The following PRKCE variants were observed in gnomAD, a reference collection of about 807,000 sequenced individuals.
PRKCE encodes protein kinase C epsilon type.
PRKCE carries 16 observed loss-of-function variants against 85.4 expected under a neutral mutation model. The observed-to-expected ratio is 0.19, with a 90% CI of 0.13 to 0.28. The LOEUF is 0.28. Among genes scored for constraint, PRKCE ranks in the 10% least tolerant of loss-of-function variants. The pLI, the probability that PRKCE is intolerant of heterozygous loss-of-function variation, is 1.00. For missense variants in PRKCE, 573 were observed against 975.2 expected, an observed-to-expected ratio of 0.59 and a Z score of 5.49; for synonymous variants, 388 against 371.5, an observed-to-expected ratio of 1.04 and a Z score of -0.51.
intron 1 of PRKCE, among the ~76,000 whole-genome samples, chr2:45,750,266 T>C (rs967032672): frequency 1.2e-4 from 19 of 152,346 alleles, no homozygotes; most frequent in African/African-American, 2.9e-4. Flanking sequence ...CCTGTACTCA[T>C]TGAGCAGTCA....
At chr2:45,996,811 G>T (rs1190128907) in intron 6 of PRKCE, among the ~76,000 whole-genome samples, 1 of 152,034 alleles carries the variant, frequency 6.6e-6, no homozygotes, top group Non-Finnish European at 1.5e-5. Flanking sequence ...TAATATCTTT[G>T]CTTTGATATT....
chr2:45,864,804 C>T (rs1055224819), intron 2 of PRKCE, among the ~76,000 whole-genome samples: 29 of 152,302 alleles, frequency 1.9e-4, no homozygotes, highest in Middle Eastern at 3.4e-3. Context: ...ATAATCATCT[C>T]TTGCTGCTTG....
intron 1 of PRKCE, among the ~76,000 whole-genome samples, chr2:45,765,377 T>C (rs1456154704): frequency 6.6e-6 from 1 of 152,168 alleles, no homozygotes; most frequent in African/African-American, 2.4e-5. Context: ...GGTTGTAAGG[T>C]GTGAACTGTA....
chr2:45,801,502 G>A (rs898023323), intron 1 of PRKCE, among the ~76,000 whole-genome samples: 6 of 97,436 alleles, frequency 6.2e-5, no homozygotes, highest in South Asian at 4.1e-4. Flanking sequence ...ATCAGTGAGT[G>A]CTGAGGGTGA....
chr2:45,835,082 A>G (rs1010291145), intron 1 of PRKCE, among the ~76,000 whole-genome samples: 1 of 152,216 alleles, frequency 6.6e-6, no homozygotes, highest in African/African-American at 2.4e-5. Flanking sequence ...GCACGCCTAC[A>G]CAGGTAGGTG....
rs1688856533 is a variant in PRKCE, at chr2:45,814,210, T to A, written c.349-28790T>A. Among the ~76,000 whole-genome samples the A allele has an allele frequency of 4.6e-5, 7 of 151,998 alleles. No homozygotes were observed. The South Asian group carries it at 1.2e-3, about 27-fold the overall frequency. ...GACTTTGGTGCCAGGTTGAGAAAAA[T>A]TTTGAAGCCAGAGCTATAGATTGGA... On this transcript the variant is annotated intron_variant, in intron 1 of 14. Coordinates refer to ENST00000306156, the MANE Select transcript of PRKCE (RefSeq NM_005400.3).
At chr2:45,889,002 C>G (rs1022468502) in intron 2 of PRKCE, among the ~76,000 whole-genome samples, 5 of 151,736 alleles carry the variant, frequency 3.3e-5, no homozygotes, top group Admixed American at 3.3e-4. Flanking sequence ...TGAGATACCC[C>G]CAAAGAGGTA....
rs145456016 is a variant in PRKCE, at chr2:45,817,989, A to T, written c.349-25011A>T. Reference sequence around the variant, plus strand: ...AGTCTCCCTGGAGTTTGTCCTTCTCAGCCCCGGAGCTGAGCAGAGTTTAAA... The same window carrying T: ...AGTCTCCCTGGAGTTTGTCCTTCTCTGCCCCGGAGCTGAGCAGAGTTTAAA... On this transcript the variant is annotated intron_variant, in intron 1 of 14. Transcript: ENST00000306156. Among the ~76,000 whole-genome samples, 3 of 152,318 alleles carry T rather than the reference A, an allele frequency of 2.0e-5. No homozygotes were observed. In the East Asian group the frequency reaches 5.8e-4, roughly 29 times the overall value.
rs529248924 is a variant in PRKCE at position 45,817,445 on chromosome 2, T to G, written c.349-25555T>G. On this transcript the variant is annotated intron_variant, in intron 1 of 14. Transcript: ENST00000306156. The stretch of plus-strand genomic sequence containing the variant: ...GCGGTGGCTCACGCTTGTAATCCCA[T>G]CACTTTGGGAGGCTGAGGAGGGCGA... Among the ~76,000 whole-genome samples the G allele has an allele frequency of 1.6e-4, 24 of 152,150 alleles. No individual in the cohort carries two copies. The Middle Eastern group carries it at 0.017, about 108-fold the overall frequency.
intron 1 of PRKCE, among the ~76,000 whole-genome samples, chr2:45,785,758 G>C (rs1264880701): frequency 6.6e-6 from 1 of 152,158 alleles, no homozygotes; most frequent in Non-Finnish European, 1.5e-5. Flanking sequence ...AGAGATGCTG[G>C]TCAGGGTTAG....
intron 10 of PRKCE, among the ~76,000 whole-genome samples, chr2:46,046,057 T>G (rs1203229319): frequency 1.3e-5 from 2 of 152,134 alleles, no homozygotes; most frequent in African/African-American, 2.4e-5. Context: ...TCCTCAGCTG[T>G]CATGGGAAGA....
intron 10 of PRKCE, among the ~76,000 whole-genome samples, chr2:46,044,400 C>T (rs1708394245): frequency 6.6e-6 from 1 of 152,152 alleles, no homozygotes; most frequent in Non-Finnish European, 1.5e-5. Context: ...TAGCAAAGGC[C>T]TTATGCTGAG....
chr2:46,178,150 C>G (rs1574678233), intron 14 of PRKCE, among the ~76,000 whole-genome samples: 1 of 152,218 alleles, frequency 6.6e-6, no homozygotes, highest in East Asian at 1.9e-4. Flanking sequence ...ATCCCAGCTA[C>G]TCAGGAGGCT....
intron 1 of PRKCE, among the ~76,000 whole-genome samples, chr2:45,705,190 G>T (rs571528): frequency 0.27 from 40,398 of 152,104 alleles, 5,578 homozygotes; most frequent in African/African-American, 0.3. Context: ...ATGCATACAT[G>T]TGCCCAGTTC....
chr2:45,993,805 G>C (rs1293193151), intron 6 of PRKCE, among the ~76,000 whole-genome samples: 1 of 152,182 alleles, frequency 6.6e-6, no homozygotes, highest in Non-Finnish European at 1.5e-5. Flanking sequence ...GCACAGTGCT[G>C]TTGCCTGGTC....
chr2:46,160,918 C>T (rs984632220), intron 14 of PRKCE, among the ~76,000 whole-genome samples: 4 of 152,206 alleles, frequency 2.6e-5, no homozygotes, highest in Admixed American at 2.0e-4. Flanking sequence ...CAACCAGACT[C>T]GAGCACGTGG....
At chr2:46,136,167 G>A (rs1674974834) in intron 11 of PRKCE, among the ~76,000 whole-genome samples, 1 of 152,088 alleles carries the variant, frequency 6.6e-6, no homozygotes, top group African/African-American at 2.4e-5. Flanking sequence ...TATTTCTGCA[G>A]CACTCAGGCC....
Position 46,038,664 on chromosome 2 carries a change from C to T in PRKCE, c.1437+28147C>T, listed in dbSNP as rs1161621160. On this transcript the variant is annotated intron_variant, in intron 10 of 14. Coordinates refer to ENST00000306156, the MANE Select transcript of PRKCE (RefSeq NM_005400.3). ...ATAGTAACAACTTCACACACACACA[C>T]ACACACACACACACACACACACACA... 1.8e-4 allele frequency among the ~76,000 whole-genome samples: 26 copies of T among 141,482 alleles called. 1 individual carries two copies. The highest frequency in any genetic ancestry group is 7.7e-4 in the African/African-American group (26 of 33,860). 92.8% of individuals were successfully genotyped at this position (141,482 alleles called of 152,430 possible). A position where few individuals can be genotyped will look rare whatever the true frequency, so the allele number is the denominator to read the frequency against.
Position 45,860,554 on chromosome 2 carries a change from C to A in PRKCE, c.412+17491C>A, listed in dbSNP as rs1441455253. On this transcript the variant is annotated intron_variant, in intron 2 of 14. Transcript: ENST00000306156. ...GTCAAGTTTACTGCTTTTTCAAACCCTGTTAGCTTTTGCTTTGTTACTATA... is the reference window on the plus strand; with the variant it reads ...GTCAAGTTTACTGCTTTTTCAAACCATGTTAGCTTTTGCTTTGTTACTATA... 3.3e-5 allele frequency among the ~76,000 whole-genome samples: 5 copies of A among 152,278 alleles called. No homozygotes were observed. In the South Asian group the frequency reaches 6.2e-4, roughly 19 times the overall value.
Sources: gnomAD v4.1 joint callset for allele counts (sites outside exome capture counted in the v4.1 genomes callset) on GRCh38, gnomAD v4.1.1 for gene constraint, MANE v1.5 for transcripts, NCBI Gene and HGNC (gene_info 2026-07-23, HGNC 2026-07-21) for gene names.